BRINP1: variants seen among roughly 807,000 people sequenced by gnomAD.
The protein encoded by BRINP1 is BMP/retinoic acid-inducible neural-specific protein 1.
Under a neutral mutation model 72.9 loss-of-function variants are expected in BRINP1, and 17 were observed. That is an observed-to-expected ratio of 0.23 (90% CI 0.16 to 0.35). The LOEUF (loss-of-function observed/expected upper bound fraction) is 0.35, where lower values mean the gene tolerates loss of function less well. Among genes scored for constraint, BRINP1 ranks in the 10% least tolerant of loss-of-function variants. BRINP1 has a pLI of 1.00. For synonymous variants in BRINP1, 418 were observed against 378.5 expected, an observed-to-expected ratio of 1.10 and a Z score of -1.21; for missense variants, 850 against 1,001.6, an observed-to-expected ratio of 0.85 and a Z score of 2.04.
chr9:119,281,224 C>A (rs1340081451), intron 2 of BRINP1, among the ~76,000 whole-genome samples: 1 of 152,196 alleles, frequency 6.6e-6, no homozygotes, highest in Non-Finnish European at 1.5e-5. Flanking sequence ...GGCAGAGATA[C>A]TTCTCTGAAT....
intron 6 of BRINP1, among the ~76,000 whole-genome samples, chr9:119,209,390 C>T (rs1397091195): frequency 3.3e-5 from 5 of 151,854 alleles, no homozygotes; most frequent in African/African-American, 9.7e-5. Context: ...GCCAACATGG[C>T]GAAACCATCT....
intron 1 of BRINP1, among the ~76,000 whole-genome samples, chr9:119,346,013 G>A (rs1831447803): frequency 6.6e-6 from 1 of 152,118 alleles, no homozygotes; most frequent in Non-Finnish European, 1.5e-5. Context: ...TCTAGTTCCA[G>A]AACCTGACCT....
At chr9:119,261,891 C>CCT (rs139481460) in intron 2 of BRINP1, among the ~76,000 whole-genome samples, 6 of 148,416 alleles carry the variant, frequency 4.0e-5, no homozygotes, top group Middle Eastern at 6.9e-3. Flanking sequence ...TTCTTCTCTT[C>CCT]CTCTCTCTCT....
intron 5 of BRINP1, among the ~76,000 whole-genome samples, chr9:119,224,162 G>C (rs1293965496): frequency 6.6e-6 from 1 of 152,018 alleles, no homozygotes; most frequent in East Asian, 1.9e-4. Flanking sequence ...GCCTCATGGG[G>C]CTCTAGTTTG....
At chr9:119,206,543 C>G (rs1252144299) in intron 7 of BRINP1, among the ~76,000 whole-genome samples, 1 of 152,028 alleles carries the variant, frequency 6.6e-6, no homozygotes, top group Non-Finnish European at 1.5e-5. Flanking sequence ...AAAAAGGGGC[C>G]TCAGAAGAAA....
intron 5 of BRINP1, among the ~76,000 whole-genome samples, chr9:119,221,291 C>A (rs928627215): frequency 1.3e-5 from 2 of 151,974 alleles, no homozygotes; most frequent in Non-Finnish European, 2.9e-5. Context: ...GCACCTTTTG[C>A]AAAAAGTCAG....
chr9:119,309,006 G>A (rs1177720028), intron 2 of BRINP1, among the ~76,000 whole-genome samples: 1 of 151,590 alleles, frequency 6.6e-6, no homozygotes. Context: ...ACACAAAAAG[G>A]TATTGGAAAC....
chr9:119,335,460 C>T (rs1239851741), intron 1 of BRINP1, among the ~76,000 whole-genome samples: 1 of 152,186 alleles, frequency 6.6e-6, no homozygotes, highest in Non-Finnish European at 1.5e-5. Context: ...CTACTGGATA[C>T]CTTTCCAATA....
chr9:119,167,255 G>A lies in BRINP1; in HGVS notation c.2115C>T (p.Arg705=), dbSNP rs762014412. Residue 705 remains arginine (R), a synonymous_variant, in exon 8 of 8, where the codon CGC becomes CGT. Coordinates refer to ENST00000265922, the MANE Select transcript of BRINP1 (RefSeq NM_014618.3). The surrounding 1 kb of genome is among the most constrained non-coding windows in gnomAD (Gnocchi z 4.3). ...LLLDIRDRIN[R]LAPPVAPGKP... is the part of the protein sequence containing the mutation. ...TCCCCGGGGCCACAGGAGGGGCCAGGCGATTAATTCGGTCCCGAATATCCA... is the reference window on the plus strand; with the variant it reads ...TCCCCGGGGCCACAGGAGGGGCCAGACGATTAATTCGGTCCCGAATATCCA... 1 of 1,614,196 alleles carries A rather than the reference G, an allele frequency of 6.2e-7. No individual in the cohort carries two copies. Among genetic ancestry groups the A allele is most frequent in the Non-Finnish European group, 8.5e-7 (1 of 1,180,040 alleles).
intron 2 of BRINP1, among the ~76,000 whole-genome samples, chr9:119,306,098 G>A (rs1564243891): frequency 6.6e-6 from 1 of 152,126 alleles, no homozygotes; most frequent in Non-Finnish European, 1.5e-5. Context: ...AAGAGTGGGT[G>A]GGCAAGTAGG....
chr9:119,263,935 A>G (rs570519939), intron 2 of BRINP1, among the ~76,000 whole-genome samples: 2 of 152,272 alleles, frequency 1.3e-5, no homozygotes, highest in East Asian at 3.9e-4. Flanking sequence ...TGAAGGCAAT[A>G]CAAACGGGCT....
chr9:119,168,187 G>A lies in BRINP1; in HGVS notation c.1183C>T (p.Leu395Phe). The change falls in exon 8 of 8, where the codon CTC becomes TTC. Residue 395 changes from leucine to phenylalanine, a missense_variant. Transcript: ENST00000265922. Reference sequence around the variant, plus strand: ...CAAAACCCATTCTCATTACAGTAGAGGAGTGACTGGACCCTTGCAAGCCAC... The same window carrying A: ...CAAAACCCATTCTCATTACAGTAGAAGAGTGACTGGACCCTTGCAAGCCAC... ...QQWLARVQSL[L>F]YCNENGFWGT... The A allele has an allele frequency of 1.3e-6, 2 of 1,544,322 alleles. No homozygotes were observed. The highest frequency in any genetic ancestry group is 1.7e-6 in the Non-Finnish European group (2 of 1,145,082).
chr9:119,247,657 CAAAAAAAAAAAAAAA>C (rs3983912), intron 3 of BRINP1, among the ~76,000 whole-genome samples: 3 of 73,018 alleles, frequency 4.1e-5, no homozygotes, highest in African/African-American at 1.7e-4. Context: ...GACTCCGTCT[CAAAAAAAAAAAAAAA>C]AAAAAAAAAA....
chr9:119,322,976 C>T (rs927156977), intron 1 of BRINP1, among the ~76,000 whole-genome samples: 2 of 152,176 alleles, frequency 1.3e-5, no homozygotes, highest in African/African-American at 2.4e-5. Flanking sequence ...CACAGGTGCA[C>T]GACCATCATA....
chr9:119,321,199 G>A (rs540932752), intron 1 of BRINP1, among the ~76,000 whole-genome samples: 3 of 152,266 alleles, frequency 2.0e-5, no homozygotes, highest in African/African-American at 7.2e-5. Flanking sequence ...CCAAAGTGCT[G>A]GGATTACAGG....
chr9:119,230,483 G>C (rs139359241), intron 5 of BRINP1, among the ~76,000 whole-genome samples: 1 of 151,950 alleles, frequency 6.6e-6, no homozygotes, highest in Non-Finnish European at 1.5e-5. Context: ...ATGAGACAAG[G>C]AGCTGAACCA....
chr9:119,287,992 T>G (rs1476058043), intron 2 of BRINP1, among the ~76,000 whole-genome samples: 4 of 150,646 alleles, frequency 2.7e-5, no homozygotes, highest in African/African-American at 1.0e-4. Context: ...AACTTAAAAG[T>G]TAAAAAAAAA....
At chr9:119,255,605 A>C (rs1830437499) in intron 2 of BRINP1, among the ~76,000 whole-genome samples, 1 of 152,162 alleles carries the variant, frequency 6.6e-6, no homozygotes, top group Non-Finnish European at 1.5e-5. Flanking sequence ...CGTGCAAAAA[A>C]ATACACATAG....
intron 2 of BRINP1, among the ~76,000 whole-genome samples, chr9:119,310,006 C>A (rs1483106967): frequency 6.6e-6 from 1 of 152,138 alleles, no homozygotes; most frequent in African/African-American, 2.4e-5. Flanking sequence ...CCAGAATGAA[C>A]AAAACCTAAA....
Sources: allele counts gnomAD v4.1 joint callset (sites outside exome capture counted in the v4.1 genomes callset), GRCh38; gene constraint gnomAD v4.1.1; non-coding constraint Gnocchi (gnomAD v3.1); transcripts MANE v1.5; gene names NCBI Gene and HGNC (gene_info 2026-07-23, HGNC 2026-07-21).